PIP5KL1: variants seen among roughly 807,000 people sequenced by gnomAD.
PIP5KL1 encodes the protein phosphatidylinositol 4-phosphate 5-kinase-like protein 1.
PIP5KL1 carries 45 observed loss-of-function variants against 47.6 expected under a neutral mutation model. The observed-to-expected ratio is 0.94, with a 90% CI of 0.74 to 1.21. PIP5KL1 has a LOEUF of 1.21. Ranked by LOEUF, PIP5KL1 falls within the 50% of genes most tolerant of loss-of-function variation. PIP5KL1 has a pLI of 0.00. For synonymous variants in PIP5KL1, 256 were observed against 234.6 expected (o/e 1.09, Z -0.84); for missense variants, 577 against 547.6 (o/e 1.05, Z -0.54).
At chr9:127,928,257 TG>T in intron 3 of PIP5KL1, 38 bp from the exon 4 acceptor site, 1 of 1,526,268 alleles carries the variant, frequency 6.6e-7, no homozygotes. Flanking sequence ...AGTGTCTGCG[TG>T]GGCCCGGGTG....
In PIP5KL1 at chr9:127,927,817, C is replaced by T. The variant is rs2131640333; in HGVS notation, c.435-45G>A. 1.3e-6 allele frequency: 2 copies of T among 1,531,562 alleles called. No homozygotes were observed. The highest frequency in any genetic ancestry group is 1.8e-4 in the Middle Eastern group (1 of 5,626). The allele number at this position is 1,531,562 out of a possible 1,614,324, so 94.9% of individuals were successfully genotyped here. On this transcript the variant is annotated intron_variant, in intron 4 of 9. Transcript: ENST00000388747. This position sits in a 1 kb window ranked among gnomAD's most constrained non-coding sequence, Gnocchi z 5.5. ...GGTCACTGCCCAGGCCTGGCTGGAG[C>T]GGCTCCCACCCGGCCCCCTTCCCCG...
chr9:127,927,065 C>G lies in PIP5KL1; in HGVS notation c.650+88G>C. On this transcript the variant is annotated intron_variant, in intron 7 of 9. Transcript: ENST00000388747. The surrounding 1 kb of genome is among the most constrained non-coding windows in gnomAD (Gnocchi z 5.5). Reference sequence around the variant, plus strand: ...AACGCCCCTTCTCCTTCCTGGGCCTCGGTTTCACCGTCTGGCTAGTGAGTG... The same window carrying G: ...AACGCCCCTTCTCCTTCCTGGGCCTGGGTTTCACCGTCTGGCTAGTGAGTG... The G allele has an allele frequency of 1.4e-6, 2 of 1,408,652 alleles. No homozygotes were observed. Among genetic ancestry groups the G allele is most frequent in the Non-Finnish European group, 9.6e-7 (1 of 1,042,362 alleles). 87.3% of individuals were successfully genotyped at this position (1,408,652 alleles called of 1,614,324 possible).
intron 3 of PIP5KL1, 93 bp from the exon 4 acceptor site, chr9:127,928,312 C>T (rs1588685636): frequency 1.3e-6 from 2 of 1,539,344 alleles, no homozygotes; most frequent in Non-Finnish European, 1.8e-6. Context: ...TGACCACACC[C>T]TTCCTGCAAG....
intron 9 of PIP5KL1, among the ~76,000 whole-genome samples, chr9:127,923,939 C>A (rs1831324278): frequency 6.6e-6 from 1 of 152,216 alleles, no homozygotes; most frequent in South Asian, 2.1e-4. Context: ...TCTACCCTCC[C>A]AGGGAGGCTC....
chr9:127,927,875 G>T lies in PIP5KL1; in HGVS notation c.435-103C>A. 6.7e-7 allele frequency: 1 copy of T among 1,495,898 alleles called. No individual in the cohort carries two copies. 92.7% of individuals were successfully genotyped at this position (1,495,898 alleles called of 1,614,324 possible). On this transcript the variant is annotated intron_variant, in intron 4 of 9. Transcript: ENST00000388747. The surrounding 1 kb of genome is among the most constrained non-coding windows in gnomAD (Gnocchi z 5.5). ...CACGTGGATCTCGCTCCCAGGTCTC[G>T]GCACCGCCTCTCTCGCCTTCGGCCC... is the stretch of plus-strand genomic sequence containing the variant.
intron 9 of PIP5KL1, among the ~76,000 whole-genome samples, chr9:127,922,727 AAAAAG>A (rs1283211204): frequency 3.0e-4 from 46 of 151,774 alleles, no homozygotes; most frequent in African/African-American, 8.4e-4. Context: ...AAGAAAAAGA[AAAAAG>A]AAAAGAAAAG....
At chr9:127,925,638 G>A in intron 8 of PIP5KL1, 1 of 539,858 alleles carries the variant, frequency 1.9e-6, no homozygotes. Context: ...GCTAATTTGT[G>A]TGTTTTTCGT....
At chr9:127,925,504 C>G (rs1007434668) in intron 8 of PIP5KL1, 1 of 511,138 alleles carries the variant, frequency 2.0e-6, no homozygotes, top group Non-Finnish European at 3.4e-6. Flanking sequence ...CTTGCTCTGT[C>G]GCACAGGCTG....
intron 9 of PIP5KL1, 103 bp from the exon 10 acceptor site, chr9:127,922,217 C>T: frequency 7.4e-7 from 1 of 1,346,236 alleles, no homozygotes; most frequent in Middle Eastern, 2.4e-4. Context: ...CCAGCTCATT[C>T]CCACACCTCC....
rs1424639919 is a variant in PIP5KL1 at position 127,927,614 on chromosome 9, C to T, written c.559+34G>A. On this transcript the variant is annotated intron_variant, in intron 5 of 9. Transcript: ENST00000388747. The surrounding 1 kb of genome is among the most constrained non-coding windows in gnomAD (Gnocchi z 5.5). ...CCCCAGGTATATGATGACCTAGGAC[C>T]CGCCCCCACCGAGCCCCGCCCCCAG... is the stretch of plus-strand genomic sequence containing the variant. 4 of 1,510,514 alleles carry T rather than the reference C, an allele frequency of 2.6e-6. No homozygotes were observed. The South Asian group carries it at 3.7e-5, about 14-fold the overall frequency. The allele number at this position is 1,510,514 out of a possible 1,614,324, so 93.6% of individuals were successfully genotyped here.
chr9:127,928,126 G>A lies in PIP5KL1; in HGVS notation c.373C>T (p.Pro125Ser). Residue 125 changes from proline to serine, a missense_variant, in exon 4 of 10, where the codon CCC becomes TCC. Transcript: ENST00000388747. ...AGGAACTGCAGGTAGGGGCCGCCGG[G>A]GCCCAGGGCAGCCTGATAGTCCTCC... ...AEEDYQAALG[P>S]GGPYLQFLST... is the part of the protein sequence containing the mutation. 6.4e-7 allele frequency: 1 copy of A among 1,557,534 alleles called. No individual in the cohort carries two copies. Among genetic ancestry groups the A allele is most frequent in the Non-Finnish European group, 8.7e-7 (1 of 1,152,890 alleles).
Position 127,929,694 on chromosome 9 carries a change from T to C in PIP5KL1, c.222A>G (p.Pro74=). The change falls in exon 2 of 10, where the codon CCA becomes CCG. Residue 74 remains proline, a synonymous_variant. Coordinates refer to ENST00000388747, the MANE Select transcript of PIP5KL1 (RefSeq NM_001135219.2). This position sits in a 1 kb window ranked among gnomAD's most constrained non-coding sequence, Gnocchi z 4.0. The part of the protein sequence containing the change: ...WAATQVSMDH[P]PTGPPSRDDF... ...GGACAGATGGGCCACTCACCGTGGG[T>C]GGGTGGTCCATGGAGACCTGGGTGG... 8 of 1,563,264 alleles carry C rather than the reference T, an allele frequency of 5.1e-6. No homozygotes were observed. The highest frequency in any genetic ancestry group is 7.0e-6 in the Non-Finnish European group (8 of 1,149,286).
chr9:127,925,403 T>G (rs112224256), intron 8 of PIP5KL1, 143 bp from the exon 9 acceptor site: 1 of 946,810 alleles, frequency 1.1e-6, no homozygotes, highest in African/African-American at 1.7e-5. Context: ...CCTTGGTCAC[T>G]TAGCTAGGAA....
At position 127,927,584 on chromosome 9, in the gene PIP5KL1, G is replaced by A; in HGVS notation, c.559+64C>T. ...CATTTGGGCCCCGCCCACATACCCC[G>A]CCCTCCCCAGGTATATGATGACCTA... On this transcript the variant is annotated intron_variant, in intron 5 of 9. Transcript: ENST00000388747. The surrounding 1 kb of genome is among the most constrained non-coding windows in gnomAD (Gnocchi z 5.5). 1 of 162,248 alleles carries A rather than the reference G, an allele frequency of 6.2e-6. No homozygotes were observed. Among genetic ancestry groups the A allele is most frequent in the East Asian group, 3.6e-4 (1 of 2,792 alleles). The allele number at this position is 162,248 out of a possible 1,614,324, so 10.1% of individuals were successfully genotyped here. A position where few individuals can be genotyped will look rare whatever the true frequency, so the allele number is the denominator to read the frequency against.
rs1435786374 is a variant in PIP5KL1, at chr9:127,927,033, T to C, written c.650+120A>G. The stretch of plus-strand genomic sequence containing the variant: ...GCGTCACTGTCTCTGACCCACCAGA[T>C]CTTGGGAACGCCCCTTCTCCTTCCT... On this transcript the variant is annotated intron_variant, in intron 7 of 9. Coordinates refer to ENST00000388747, the MANE Select transcript of PIP5KL1 (RefSeq NM_001135219.2). The surrounding 1 kb of genome is among the most constrained non-coding windows in gnomAD (Gnocchi z 5.5). 3 of 1,207,924 alleles carry C rather than the reference T, an allele frequency of 2.5e-6. No homozygotes were observed. The African/African-American group carries it at 4.6e-5, about 19-fold the overall frequency. The allele number at this position is 1,207,924 out of a possible 1,614,324, so 74.8% of individuals were successfully genotyped here. A position where few individuals can be genotyped will look rare whatever the true frequency, so the allele number is the denominator to read the frequency against.
chr9:127,924,623 T>G (rs1445115369), intron 9 of PIP5KL1, among the ~76,000 whole-genome samples: 1 of 146,198 alleles, frequency 6.8e-6, no homozygotes, highest in Non-Finnish European at 1.5e-5. Context: ...ACCACTGCAT[T>G]CCAGCCTGGG....
In PIP5KL1 at chr9:127,928,094, G is replaced by A. The variant is rs530081410; in HGVS notation, c.405C>T (p.Thr135=). 2 of 1,574,836 alleles carry A rather than the reference G, an allele frequency of 1.3e-6. No individual in the cohort carries two copies. The highest frequency in any genetic ancestry group is 2.3e-5 in the East Asian group (1 of 43,304). The part of the protein sequence containing the change: ...PGGPYLQFLS[T]SKSKASFFLS... The stretch of plus-strand genomic sequence containing the variant: ...GGAAGAAGCTGGCCTTGCTCTTGGA[G>A]GTGCTGAGGAACTGCAGGTAGGGGC... Residue 135 remains threonine, a synonymous_variant, in exon 4 of 10, where the codon ACC becomes ACT. Transcript: ENST00000388747.
Position 127,921,656 on chromosome 9 carries a change from G to A in PIP5KL1, c.*191C>T. The stretch of plus-strand genomic sequence containing the variant: ...TTGAGGATTAAATGAGCTAAAGTAG[G>A]GGAGTCCTTGGCACGATGCTGGGCA... On this transcript the variant is annotated 3_prime_UTR_variant, in exon 10 of 10. Transcript: ENST00000388747. The A allele has an allele frequency of 1.4e-6, 1 of 723,122 alleles. No homozygotes were observed. 44.8% of individuals were successfully genotyped at this position (723,122 alleles called of 1,614,324 possible).
chr9:127,928,806 A>G, intron 2 of PIP5KL1: 2 of 397,562 alleles, frequency 5.0e-6, no homozygotes, highest in Non-Finnish European at 9.1e-6. Flanking sequence ...TCTGTCCAGT[A>G]CAAGGGGGTG....
Sources: gnomAD v4.1 joint callset for allele counts (sites outside exome capture counted in the v4.1 genomes callset) on GRCh38, gnomAD v4.1.1 for gene constraint, Gnocchi (gnomAD v3.1) non-coding constraint, MANE v1.5 for transcripts, NCBI Gene and HGNC (gene_info 2026-07-23, HGNC 2026-07-21) for gene names.